The following AJAP1 variants were observed in gnomAD, a reference collection of about 807,000 sequenced individuals.
AJAP1 encodes adherens junction-associated protein 1.
Under a neutral mutation model 35.0 loss-of-function variants are expected in AJAP1, and 5 were observed. The ratio of observed to expected loss-of-function variants is 0.14; its 90% CI spans 0.07 to 0.30. The LOEUF is 0.30. Ranked by LOEUF, AJAP1 falls within the 10% of genes least tolerant of loss-of-function variation. The probability of loss-of-function intolerance (pLI) is 1.00; values close to 1 mark genes in which losing one functional copy is unlikely to be tolerated. For missense variants in AJAP1, 586 were observed against 571.0 expected, an observed-to-expected ratio of 1.03 and a Z score of -0.27; for synonymous variants, 284 against 249.3, an observed-to-expected ratio of 1.14 and a Z score of -1.31.
At chr1:4,740,302 C>T (rs2100314061) in intron 2 of AJAP1, among the ~76,000 whole-genome samples, 1 of 26,760 alleles carries the variant, frequency 3.7e-5, no homozygotes, top group South Asian at 1.5e-3. Context: ...ATATGAGGTC[C>T]CTGGAGTCAC....
intron 1 of AJAP1, among the ~76,000 whole-genome samples, chr1:4,667,931 A>G (rs1413025447): frequency 6.6e-6 from 1 of 152,184 alleles, no homozygotes; most frequent in African/African-American, 2.4e-5. Context: ...CCGTTAGGGT[A>G]AGGCCAGGAG....
Position 4,712,035 on chromosome 1 carries a change from G to A in AJAP1, c.165G>A (p.Arg55=). Residue 55 remains arginine, a synonymous_variant, in exon 2 of 6, where the codon CGG becomes CGA. Transcript: ENST00000378191. ...GPGPEFWLLP[R]SPPRPPRLWS... is the part of the protein sequence containing the mutation. ...GGCCGGAGTTCTGGCTCCTGCCGCGGTCGCCGCCCCGGCCGCCCCGGCTGT... is the reference window on the plus strand; with the variant it reads ...GGCCGGAGTTCTGGCTCCTGCCGCGATCGCCGCCCCGGCCGCCCCGGCTGT... 6.3e-7 allele frequency: 1 copy of A among 1,593,608 alleles called. No individual in the cohort carries two copies. Among genetic ancestry groups the A allele is most frequent in the East Asian group, 2.3e-5 (1 of 42,564 alleles).
rs139354230 is a variant in AJAP1, at chr1:4,712,521, C to G, written c.651C>G (p.Ala217=). 6.2e-7 allele frequency: 1 copy of G among 1,612,422 alleles called. No homozygotes were observed. The highest frequency in any genetic ancestry group is 8.5e-7 in the Non-Finnish European group (1 of 1,179,496). The change falls in exon 2 of 6, where the codon GCC becomes GCG. Residue 217 remains alanine, a synonymous_variant. Transcript: ENST00000378191. ...SILQTRKTTV[A]ATTTTTTTAT... The stretch of plus-strand genomic sequence containing the variant: ...TACAAACACGGAAGACAACTGTGGC[C>G]GCCACCACCACCACCACCACCACGG...
At chr1:4,770,991 A>G (rs1446087855) in intron 3 of AJAP1, among the ~76,000 whole-genome samples, 1 of 151,740 alleles carries the variant, frequency 6.6e-6, no homozygotes, top group Non-Finnish European at 1.5e-5. Flanking sequence ...CAGAGAAGGG[A>G]CTTTGGACCC....
chr1:4,712,127 T>C lies in AJAP1; in HGVS notation c.257T>C (p.Val86Ala), dbSNP rs1640262550. 1.2e-5 allele frequency: 19 copies of C among 1,545,952 alleles called. No individual in the cohort carries two copies. The highest frequency in any genetic ancestry group is 1.6e-5 in the Non-Finnish European group (19 of 1,153,490). ...GTGTGGAGCCCCCGGCCGCCCCGAG[T>C]GGAGCGGATCCACGGGCAGATGCAG... The part of the protein sequence containing the change: ...APVWSPRPPR[V>A]ERIHGQMQMP... Residue 86 changes from valine to alanine, a missense_variant, in exon 2 of 6, where the codon GTG becomes GCG. Val to Ala is a moderately conservative substitution (Grantham distance 64). Coordinates refer to ENST00000378191, the MANE Select transcript of AJAP1 (RefSeq NM_018836.4).
chr1:4,774,051 T>G (rs1256849896), intron 4 of AJAP1, among the ~76,000 whole-genome samples: 1 of 152,214 alleles, frequency 6.6e-6, no homozygotes, highest in Non-Finnish European at 1.5e-5. Context: ...GTTCTATCCT[T>G]TCTGTCATGT....
At chr1:4,776,559 G>A (rs559864462) in intron 5 of AJAP1, among the ~76,000 whole-genome samples, 2 of 152,104 alleles carry the variant, frequency 1.3e-5, no homozygotes, top group Admixed American at 1.3e-4. Flanking sequence ...AAAATAAAAA[G>A]ATAAAATAGG....
chr1:4,758,233 T>C (rs1641479813), intron 2 of AJAP1, among the ~76,000 whole-genome samples: 1 of 152,136 alleles, frequency 6.6e-6, no homozygotes, highest in South Asian at 2.1e-4. Context: ...ACTAATATAG[T>C]GTGTCACTCT....
chr1:4,684,399 C>T (rs915383338), intron 1 of AJAP1, among the ~76,000 whole-genome samples: 6 of 152,082 alleles, frequency 3.9e-5, no homozygotes, highest in African/African-American at 9.7e-5. Flanking sequence ...GTGTTCTGAG[C>T]GCCTGCTTTC....
intron 1 of AJAP1, among the ~76,000 whole-genome samples, chr1:4,660,171 A>G (rs985117725): frequency 6.6e-6 from 1 of 152,190 alleles, no homozygotes; most frequent in East Asian, 1.9e-4. Flanking sequence ...TTGCCCTTGA[A>G]TTCTTTTCTG....
intron 2 of AJAP1, among the ~76,000 whole-genome samples, chr1:4,725,134 C>T (rs144681785): frequency 0.022 from 3,386 of 152,304 alleles, 48 homozygotes; most frequent in Middle Eastern, 0.044. Flanking sequence ...CTTGCTGGTC[C>T]CTGGGTGTTG....
intron 2 of AJAP1, among the ~76,000 whole-genome samples, chr1:4,717,353 C>T (rs1160368346): frequency 6.6e-6 from 1 of 152,196 alleles, no homozygotes; most frequent in East Asian, 1.9e-4. Flanking sequence ...TTCCCGCCTG[C>T]TCAGGCCAAT....
In AJAP1 at chr1:4,790,840, T is replaced by C. The variant is rs1642236474; in HGVS notation, c.*8355T>C. On this transcript the variant is annotated 3_prime_UTR_variant, in exon 6 of 6. Coordinates refer to ENST00000378191, the MANE Select transcript of AJAP1 (RefSeq NM_018836.4). ...TGCTCCTTCAAACAGTGTGTCGATATGAAACATTGAGATTTGGCAGAAACA... is the reference window on the plus strand; with the variant it reads ...TGCTCCTTCAAACAGTGTGTCGATACGAAACATTGAGATTTGGCAGAAACA... The C allele has an allele frequency of 6.6e-6, 1 of 152,232 alleles. No individual in the cohort carries two copies. The highest frequency in any genetic ancestry group is 6.5e-5 in the Admixed American group (1 of 15,280). 9.4% of individuals were successfully genotyped at this position (152,232 alleles called of 1,614,324 possible).
chr1:4,767,270 A>G (rs1641704071), intron 2 of AJAP1, among the ~76,000 whole-genome samples: 2 of 150,516 alleles, frequency 1.3e-5, no homozygotes. Flanking sequence ...TATCATCAAC[A>G]TCAGTATCAC....
chr1:4,701,284 G>A (rs143507309), intron 1 of AJAP1, among the ~76,000 whole-genome samples: 10 of 152,338 alleles, frequency 6.6e-5, no homozygotes, highest in African/African-American at 2.4e-4. Flanking sequence ...GCACACCCCT[G>A]CCACTCGGTG....
At chr1:4,684,268 T>C (rs1028549952) in intron 1 of AJAP1, among the ~76,000 whole-genome samples, 1 of 152,168 alleles carries the variant, frequency 6.6e-6, no homozygotes, top group Non-Finnish European at 1.5e-5. Flanking sequence ...ACCATGTTCA[T>C]TCCATTGGCT....
chr1:4,680,000 G>A (rs1407804630), intron 1 of AJAP1, among the ~76,000 whole-genome samples: 1 of 152,162 alleles, frequency 6.6e-6, no homozygotes, highest in Non-Finnish European at 1.5e-5. Context: ...AAGAGCTAAT[G>A]TTATAGTTCC....
intron 1 of AJAP1, among the ~76,000 whole-genome samples, chr1:4,684,653 C>T (rs1332339480): frequency 1.3e-5 from 2 of 152,158 alleles, no homozygotes; most frequent in African/African-American, 4.8e-5. Flanking sequence ...CACGTGCCTC[C>T]AAATGGACCT....
intron 2 of AJAP1, among the ~76,000 whole-genome samples, chr1:4,716,554 A>G (rs1640393812): frequency 6.6e-6 from 1 of 151,814 alleles, no homozygotes. Flanking sequence ...GGGGATGATG[A>G]TGAGGATGAT....
Sources: gnomAD v4.1 joint callset for allele counts (sites outside exome capture counted in the v4.1 genomes callset) on GRCh38, gnomAD v4.1.1 for gene constraint, MANE v1.5 for transcripts, NCBI Gene and HGNC (gene_info 2026-07-23, HGNC 2026-07-21) for gene names.